The following DAW1 variants were observed in gnomAD, a reference collection of about 807,000 sequenced individuals.
The protein encoded by DAW1 is dynein assembly factor with WD repeats 1.
DAW1 carries 47 observed loss-of-function variants against 56.5 expected under a neutral mutation model. The observed-to-expected ratio is 0.83, with a 90% CI of 0.66 to 1.06. DAW1 has a LOEUF of 1.06. Among genes scored for constraint, DAW1 ranks in the 50% least tolerant of loss-of-function variants. The pLI is 0.00. For synonymous variants in DAW1, 190 were observed against 179.0 expected (o/e 1.06, Z -0.49); for missense variants, 505 against 499.3 (o/e 1.01, Z -0.11).
intron 11 of DAW1, among the ~76,000 whole-genome samples, chr2:227,919,600 TTAAAA>T (rs1323541383): frequency 2.0e-5 from 3 of 152,204 alleles, no homozygotes; most frequent in African/African-American, 7.2e-5. Flanking sequence ...AAAATTATAA[TTAAAA>T]TTAAATTATA....
At chr2:227,895,286 C>A (rs1350764771) in intron 5 of DAW1, among the ~76,000 whole-genome samples, 2 of 152,166 alleles carry the variant, frequency 1.3e-5, no homozygotes, top group East Asian at 1.9e-4. Flanking sequence ...AAAAGATTGG[C>A]AAATAAATAT....
chr2:227,918,154 A>G (rs1410452938), intron 10 of DAW1, among the ~76,000 whole-genome samples: 2 of 93,224 alleles, frequency 2.1e-5, no homozygotes, highest in Non-Finnish European at 4.9e-5. Flanking sequence ...CCATCCATCC[A>G]TCCATCCATC....
At chr2:227,907,379 T>G in intron 10 of DAW1, 127 bp downstream of exon 10, 2 of 697,866 alleles carry the variant, frequency 2.9e-6, no homozygotes, top group Non-Finnish European at 4.7e-6. Flanking sequence ...GTCTCATCTC[T>G]ATCGTGACCA....
chr2:227,899,096 A>G (rs1691477986), intron 6 of DAW1, among the ~76,000 whole-genome samples: 1 of 152,214 alleles, frequency 6.6e-6, no homozygotes, highest in Non-Finnish European at 1.5e-5. Context: ...TCTGATAACA[A>G]TTAGTGCAAT....
Position 227,885,377 on chromosome 2 carries a change from G to A in DAW1, c.67G>A (p.Gly23Arg). 1 of 1,600,926 alleles carries A rather than the reference G, an allele frequency of 6.2e-7. No individual in the cohort carries two copies. The highest frequency in any genetic ancestry group is 8.5e-7 in the Non-Finnish European group (1 of 1,174,868). ...PGIMLEYEKH[G>R]ELKTKSIDLL... ...AATTATGTTGGAATATGAAAAACAT[G>A]GAGAATTAAAGACTAAGTCCATAGA... The change falls in exon 2 of 13, where the codon GGA becomes AGA. Residue 23 changes from glycine to arginine, a missense_variant. By Grantham distance (125) the Gly-to-Arg change is moderately radical. Transcript: ENST00000309931.
intron 5 of DAW1, among the ~76,000 whole-genome samples, chr2:227,897,533 A>G (rs1691440085): frequency 6.6e-6 from 1 of 152,220 alleles, no homozygotes; most frequent in Admixed American, 6.5e-5. Context: ...CCAGGGTTAA[A>G]AGAAAGGTTT....
At chr2:227,901,488 G>A (rs2106202403) in intron 6 of DAW1, among the ~76,000 whole-genome samples, 1 of 152,248 alleles carries the variant, frequency 6.6e-6, no homozygotes, top group Admixed American at 6.5e-5. Context: ...AAACCAATGA[G>A]CAATTGAAAT....
chr2:227,877,341 T>C (rs1244287630), intron 1 of DAW1, among the ~76,000 whole-genome samples: 3 of 152,218 alleles, frequency 2.0e-5, no homozygotes, highest in Non-Finnish European at 4.4e-5. Flanking sequence ...TTAGTAGATA[T>C]GTGGTTTTAC....
At chr2:227,913,083 G>C (rs62201057) in intron 10 of DAW1, among the ~76,000 whole-genome samples, 28,127 of 152,044 alleles carry the variant, frequency 0.18, 3,256 homozygotes, top group Non-Finnish European at 0.26. Flanking sequence ...TCATGTATGA[G>C]TCTGTACTAT....
rs141602580 is a variant in DAW1, at chr2:227,893,843, G to A, written c.366G>A (p.Ala122=). The stretch of plus-strand genomic sequence containing the variant: ...GGACGTGCAAGCTCTGGGACACTGC[G>A]TCTGGAGAGGAGCTGAACACGCTGG... ...YDRTCKLWDT[A]SGEELNTLEG... Residue 122 remains alanine (A), a synonymous_variant, in exon 5 of 13, where the codon GCG becomes GCA. Transcript: ENST00000309931. 178 of 1,613,954 alleles carry A rather than the reference G, an allele frequency of 1.1e-4. 1 individual carries two copies. The highest frequency in any genetic ancestry group is 2.3e-4 in the South Asian group (21 of 91,060).
intron 10 of DAW1, among the ~76,000 whole-genome samples, chr2:227,907,546 T>TTTA (rs1413115026): frequency 6.6e-6 from 1 of 152,030 alleles, no homozygotes; most frequent in Admixed American, 6.6e-5. Flanking sequence ...CTCCCTGATT[T>TTTA]TTATTATTAT....
chr2:227,918,922 C>T, intron 11 of DAW1, 66 bp downstream of exon 11: 14 of 1,455,752 alleles, frequency 9.6e-6, no homozygotes, highest in Non-Finnish European at 1.3e-5. Flanking sequence ...GGCCCAGGTG[C>T]AGTGCCTCAC....
intron 4 of DAW1, among the ~76,000 whole-genome samples, chr2:227,891,904 G>T (rs2106195345): frequency 6.6e-6 from 1 of 152,270 alleles, no homozygotes; most frequent in South Asian, 2.1e-4. Context: ...AGAGGTCAAG[G>T]TGTCATCAGG....
intron 1 of DAW1, chr2:227,872,297 A>AAAAAAAAAAAAAAAAAG (rs1553600898): frequency 7.6e-6 from 1 of 131,462 alleles, no homozygotes; most frequent in Admixed American, 8.2e-5. Context: ...AAAAAAGAAA[A>AAAAAAAAAAAAAAAAAG]AAAAGAAAAA....
chr2:227,907,008 A>G, intron 9 of DAW1, 130 bp from the exon 10 acceptor site: 1 of 604,750 alleles, frequency 1.7e-6, no homozygotes, highest in Non-Finnish European at 2.8e-6. Flanking sequence ...ACATGCATGA[A>G]TTACACAAGT....
chr2:227,880,345 A>G (rs1029064993), intron 1 of DAW1, among the ~76,000 whole-genome samples: 1 of 149,842 alleles, frequency 6.7e-6, no homozygotes, highest in African/African-American at 2.4e-5. Context: ...TGTAATGTCC[A>G]TATTTTGCTG....
chr2:227,881,305 G>C (rs994840955), intron 1 of DAW1, among the ~76,000 whole-genome samples: 2 of 152,204 alleles, frequency 1.3e-5, no homozygotes, highest in African/African-American at 4.8e-5. Flanking sequence ...ACTGCTGATA[G>C]AGAAATGGAA....
intron 7 of DAW1, among the ~76,000 whole-genome samples, chr2:227,903,708 C>G (rs1691608789): frequency 7.0e-6 from 1 of 143,134 alleles, no homozygotes; most frequent in African/African-American, 2.7e-5. Flanking sequence ...CCTCCCACCC[C>G]AGCCCAAGTC....
intron 5 of DAW1, 136 bp downstream of exon 5, chr2:227,894,053 C>T (rs575497988): frequency 3.4e-6 from 3 of 889,228 alleles, no homozygotes; most frequent in African/African-American, 1.7e-5. Flanking sequence ...TTTTAAATAC[C>T]TCCTTCAAAG....
Sources: gnomAD v4.1 joint callset for allele counts (sites outside exome capture counted in the v4.1 genomes callset) on GRCh38, gnomAD v4.1.1 for gene constraint, MANE v1.5 for transcripts, NCBI Gene and HGNC (gene_info 2026-07-23, HGNC 2026-07-21) for gene names.